Variants in GABRB3 observed in about 807,000 individuals in gnomAD.
GABRB3 encodes gamma-aminobutyric acid receptor subunit beta-3.
In GABRB3, 14 loss-of-function variants were observed where a neutral mutation model predicts 52.1. The observed-to-expected ratio is 0.27, with a 90% CI of 0.18 to 0.42. The LOEUF (loss-of-function observed/expected upper bound fraction) is 0.42, where lower values mean the gene tolerates loss of function less well. Ranked by LOEUF, GABRB3 falls within the 10% of genes least tolerant of loss-of-function variation. The pLI, the probability that GABRB3 is intolerant of heterozygous loss-of-function variation, is 1.00. For missense variants in GABRB3, 307 were observed against 609.1 expected, an observed-to-expected ratio of 0.50 and a Z score of 5.22; for synonymous variants, 260 against 232.3, an observed-to-expected ratio of 1.12 and a Z score of -1.08.
chr15:26,586,704 A>AAAAAAAGAG (rs558336153), intron 4 of GABRB3, among the ~76,000 whole-genome samples: 1 of 102,252 alleles, frequency 9.8e-6, no homozygotes, highest in Non-Finnish European at 2.0e-5. Flanking sequence ...AAAAAAAAAA[A>AAAAAAAGAG]AGAGAGAGAG....
At chr15:26,561,449 AT>A (rs1889985146) in intron 7 of GABRB3, among the ~76,000 whole-genome samples, 1 of 124,458 alleles carries the variant, frequency 8.0e-6, no homozygotes, top group African/African-American at 3.2e-5. Context: ...ACACCTTGCT[AT>A]CACACACGAT....
chr15:26,711,713 G>A (rs900030096), intron 3 of GABRB3, among the ~76,000 whole-genome samples: 3 of 152,174 alleles, frequency 2.0e-5, no homozygotes, highest in South Asian at 2.1e-4. Context: ...TCTGGTTGCC[G>A]CTAGCATGGA....
intron 3 of GABRB3, chr15:26,624,363 T>C (rs915629746): frequency 2.0e-6 from 2 of 985,506 alleles, no homozygotes; most frequent in East Asian, 1.1e-4. Flanking sequence ...CTTGTTTCTT[T>C]CTTTACTCCT....
intron 6 of GABRB3, among the ~76,000 whole-genome samples, chr15:26,571,995 G>A (rs887305785): frequency 3.5e-5 from 5 of 141,954 alleles, no homozygotes; most frequent in Admixed American, 7.6e-5. Flanking sequence ...GCAGTGAGCC[G>A]AAATTGAGCT....
At chr15:26,609,737 TAG>T (rs1385399220) in intron 4 of GABRB3, among the ~76,000 whole-genome samples, 1 of 152,218 alleles carries the variant, frequency 6.6e-6, no homozygotes, top group African/African-American at 2.4e-5. Context: ...TAGTTAATAA[TAG>T]AGTTTTATAC....
chr15:26,677,121 C>A (rs1888093761), intron 3 of GABRB3, among the ~76,000 whole-genome samples: 1 of 152,104 alleles, frequency 6.6e-6, no homozygotes, highest in Non-Finnish European at 1.5e-5. Context: ...TACTTTTATT[C>A]TTTGGCCTCA....
At chr15:26,610,801 C>T (rs1188538362) in intron 4 of GABRB3, among the ~76,000 whole-genome samples, 1 of 152,130 alleles carries the variant, frequency 6.6e-6, no homozygotes, top group Non-Finnish European at 1.5e-5. Context: ...TATCTCATTG[C>T]TAGAGTTCCA....
intron 3 of GABRB3, among the ~76,000 whole-genome samples, chr15:26,631,819 A>G (rs1409584620): frequency 6.6e-6 from 1 of 152,032 alleles, no homozygotes; most frequent in African/African-American, 2.4e-5. Context: ...CCATTTGTTG[A>G]CTCTATTTGA....
At chr15:26,618,045 G>A (rs1342469469) in intron 4 of GABRB3, among the ~76,000 whole-genome samples, 1 of 152,168 alleles carries the variant, frequency 6.6e-6, no homozygotes. Flanking sequence ...AACATTCCAT[G>A]CTCATGGGCA....
intron 8 of GABRB3, among the ~76,000 whole-genome samples, chr15:26,551,149 C>A (rs992664076): frequency 6.6e-6 from 1 of 152,170 alleles, no homozygotes; most frequent in African/African-American, 2.4e-5. Context: ...TGGGTGGAAG[C>A]ACAGATTAGA....
intron 6 of GABRB3, 117 bp from the exon 7 acceptor site, chr15:26,567,850 A>C (rs1890236912): frequency 3.1e-6 from 3 of 953,344 alleles, no homozygotes; most frequent in Non-Finnish European, 5.0e-6. Flanking sequence ...TAAAGGGGTG[A>C]CCCACCACCA....
intron 3 of GABRB3, among the ~76,000 whole-genome samples, chr15:26,684,424 C>G (rs368658703): frequency 6.7e-4 from 102 of 152,284 alleles, no homozygotes; most frequent in African/African-American, 2.3e-3. Context: ...GGAAGAAAAA[C>G]GCACCAGAGT....
chr15:26,742,924 C>CTTTTTTT (rs779891729), intron 3 of GABRB3, among the ~76,000 whole-genome samples: 5 of 48,834 alleles, frequency 1.0e-4, no homozygotes, highest in African/African-American at 2.3e-4. Context: ...ATTAGAGATT[C>CTTTTTTT]TTTTTTTTTT....
chr15:26,755,005 C>CT (rs5811447), intron 3 of GABRB3, among the ~76,000 whole-genome samples: 42,083 of 138,998 alleles, frequency 0.3, 7,696 homozygotes, highest in African/African-American at 0.5. Flanking sequence ...CCTCTAACAA[C>CT]TTTTTTTTTT....
intron 3 of GABRB3, among the ~76,000 whole-genome samples, chr15:26,702,831 C>T (rs28849492): frequency 0.023 from 3,486 of 152,270 alleles, 131 homozygotes; most frequent in African/African-American, 0.08. Context: ...TAGGCAGTTA[C>T]AACGAAATAG....
intron 3 of GABRB3, among the ~76,000 whole-genome samples, chr15:26,707,206 A>G (rs1442114727): frequency 6.6e-6 from 1 of 152,058 alleles, no homozygotes; most frequent in African/African-American, 2.4e-5. Context: ...ACTGTGGATA[A>G]GGTTCCCAGT....
chr15:26,547,304 G>C lies in GABRB3; in HGVS notation c.*489C>G. On this transcript the variant is annotated 3_prime_UTR_variant, in exon 9 of 9. Transcript: ENST00000311550. ...GAAGTAAGTGACTCATTTTAAACTA[G>C]CAATACCACTGTATGAGTTTTCAAA... 1 of 394,218 alleles carries C rather than the reference G, an allele frequency of 2.5e-6. No individual in the cohort carries two copies. 24.4% of individuals were successfully genotyped at this position (394,218 alleles called of 1,614,324 possible). A position where few individuals can be genotyped will look rare whatever the true frequency, so the allele number is the denominator to read the frequency against.
chr15:26,558,835 T>C (rs1213207764), intron 8 of GABRB3, among the ~76,000 whole-genome samples: 8 of 145,646 alleles, frequency 5.5e-5, no homozygotes, highest in Non-Finnish European at 1.2e-4. Context: ...CGAAACTCCA[T>C]CTCAAAAAAA....
rs993680990 is a variant in GABRB3 at position 26,544,884 on chromosome 15, T to C, written c.*2909A>G. 1 of 152,602 alleles carries C rather than the reference T, an allele frequency of 6.6e-6. No individual in the cohort carries two copies. The highest frequency in any genetic ancestry group is 1.5e-5 in the Non-Finnish European group (1 of 68,030). 9.5% of individuals were successfully genotyped at this position (152,602 alleles called of 1,614,324 possible). On this transcript the variant is annotated 3_prime_UTR_variant, in exon 9 of 9. Coordinates refer to ENST00000311550, the MANE Select transcript of GABRB3 (RefSeq NM_000814.6). ...CTTACTCAAGAGGTCTGGGTGTGGG[T>C]AACAGCCACCTCCCAACAACGTCAG... is the stretch of plus-strand genomic sequence containing the variant.
Sources: allele counts gnomAD v4.1 joint callset (sites outside exome capture counted in the v4.1 genomes callset), GRCh38; gene constraint gnomAD v4.1.1; transcripts MANE v1.5; gene names NCBI Gene and HGNC (gene_info 2026-07-23, HGNC 2026-07-21).